The following CCDC146 variants were observed in gnomAD, a reference collection of about 807,000 sequenced individuals.
CCDC146 encodes the protein coiled-coil domain-containing protein 146.
In CCDC146, 92 loss-of-function variants were observed where a neutral mutation model predicts 119.3. The observed-to-expected ratio is 0.77, with a 90% CI of 0.65 to 0.92. The LOEUF (loss-of-function observed/expected upper bound fraction) is 0.92, where lower values mean the gene tolerates loss of function less well. Among genes scored for constraint, CCDC146 ranks in the 40% least tolerant of loss-of-function variants. CCDC146 has a pLI of 0.00. For missense variants in CCDC146, 1,000 were observed against 1,103.0 expected, an observed-to-expected ratio of 0.91 and a Z score of 1.32; for synonymous variants, 372 against 371.8, an observed-to-expected ratio of 1.00 and a Z score of -0.01.
chr7:77,254,320 G>T (rs1484727407), intron 4 of CCDC146, among the ~76,000 whole-genome samples, 186 bp from the exon 5 acceptor site: 1 of 152,184 alleles, frequency 6.6e-6, no homozygotes, highest in Non-Finnish European at 1.5e-5. Context: ...TTGGGTGGGA[G>T]TCCTGGGGAG....
In CCDC146 at chr7:77,150,597, C is replaced by T. The variant is rs374988789; in HGVS notation, c.-11-17061C>T. 3.2e-4 allele frequency among the ~76,000 whole-genome samples: 49 copies of T among 152,206 alleles called. 1 individual carries two copies. The highest frequency in any genetic ancestry group is 8.5e-4 in the Admixed American group (13 of 15,286). On this transcript the variant is annotated intron_variant, in intron 1 of 18. Coordinates refer to ENST00000285871, the MANE Select transcript of CCDC146 (RefSeq NM_020879.3). ...ATGTGGAGCAGCGGGAACCCTGGTA[C>T]GTTATTGGTAGGAATATAAAAAGTA... is the stretch of plus-strand genomic sequence containing the variant.
chr7:77,156,856 G>A (rs1337423899), intron 1 of CCDC146, among the ~76,000 whole-genome samples: 1 of 151,712 alleles, frequency 6.6e-6, no homozygotes, highest in Non-Finnish European at 1.5e-5. Flanking sequence ...CCCATAGGAT[G>A]AGCCTTAAAT....
intron 2 of CCDC146, among the ~76,000 whole-genome samples, chr7:77,181,937 C>T (rs556468922): frequency 2.6e-5 from 4 of 152,126 alleles, no homozygotes; most frequent in Admixed American, 2.6e-4. Context: ...ATATTTTAAC[C>T]TTTGTTCCAT....
intron 2 of CCDC146, chr7:77,199,748 T>C (rs749850723): frequency 7.4e-6 from 12 of 1,614,014 alleles, no homozygotes; most frequent in Non-Finnish European, 1.0e-5. Flanking sequence ...AAACCGTAAG[T>C]GGCAAGAACA....
At position 77,293,199 on chromosome 7, in the gene CCDC146, A is replaced by T; in HGVS notation, c.2663A>T (p.Gln888Leu). Residue 888 changes from glutamine to leucine, a missense_variant and splice_region_variant, in exon 18 of 19, where the codon CAG (glutamine) becomes CTG (leucine). Gln to Leu is a moderately radical substitution (Grantham distance 113). Coordinates refer to ENST00000285871, the MANE Select transcript of CCDC146 (RefSeq NM_020879.3). ...MHALAIAEKS[Q>L]EFLEADNRQL... ...GCCTTGGCCATCGCTGAAAAGTCTCAGGTAGGCTTTGGCTCCTGTATTGCA... is the reference window on the plus strand; with the variant it reads ...GCCTTGGCCATCGCTGAAAAGTCTCTGGTAGGCTTTGGCTCCTGTATTGCA... The T allele has an allele frequency of 6.2e-7, 1 of 1,613,592 alleles. No individual in the cohort carries two copies. The highest frequency in any genetic ancestry group is 1.1e-5 in the South Asian group (1 of 91,048).
chr7:77,125,066 C>T (rs1479240277), intron 1 of CCDC146, among the ~76,000 whole-genome samples: 4 of 151,942 alleles, frequency 2.6e-5, no homozygotes, highest in African/African-American at 4.8e-5. Context: ...TAGTGATGGA[C>T]ACCTGTAATC....
chr7:77,258,961 C>A, intron 6 of CCDC146, 34 bp from the exon 7 acceptor site: 2 of 1,431,890 alleles, frequency 1.4e-6, no homozygotes, highest in Non-Finnish European at 2.0e-6. Context: ...AGCCGAAGAC[C>A]GCATAATTTA....
intron 1 of CCDC146, among the ~76,000 whole-genome samples, chr7:77,149,809 G>C (rs577207116): frequency 1.6e-4 from 24 of 149,588 alleles, no homozygotes; most frequent in Admixed American, 1.5e-3. Context: ...GAGAGAGAGA[G>C]ACTTAGTATA....
chr7:77,151,505 G>A (rs1791108331), intron 1 of CCDC146, among the ~76,000 whole-genome samples: 1 of 152,058 alleles, frequency 6.6e-6, no homozygotes, highest in African/African-American at 2.4e-5. Context: ...CTTTTTAAGA[G>A]TGAGGGAAAC....
chr7:77,260,108 G>A lies in CCDC146; in HGVS notation c.858G>A (p.Glu286=), dbSNP rs1793264605. The part of the protein sequence containing the change: ...VENKVSAIVD[E]KENVIKEVEG... Reference sequence around the variant, plus strand: ...ACAAGGTTAGTGCTATAGTGGATGAGAAGGAAAATGTAATAAAGGAAGTTG... The same window carrying A: ...ACAAGGTTAGTGCTATAGTGGATGAAAAGGAAAATGTAATAAAGGAAGTTG... Residue 286 remains glutamate, a synonymous_variant, in exon 8 of 19, where the codon GAG becomes GAA. Coordinates refer to ENST00000285871, the MANE Select transcript of CCDC146 (RefSeq NM_020879.3). 1.2e-6 allele frequency: 2 copies of A among 1,613,884 alleles called. No individual in the cohort carries two copies. Among genetic ancestry groups the A allele is most frequent in the Admixed American group, 1.7e-5 (1 of 59,980 alleles).
chr7:77,294,874 A>G lies in CCDC146; in HGVS notation c.*8A>G. 1 of 1,611,070 alleles carries G rather than the reference A, an allele frequency of 6.2e-7. No individual in the cohort carries two copies. The highest frequency in any genetic ancestry group is 1.1e-5 in the South Asian group (1 of 90,900). On this transcript the variant is annotated 3_prime_UTR_variant, in exon 19 of 19. Coordinates refer to ENST00000285871, the MANE Select transcript of CCDC146 (RefSeq NM_020879.3). ...AAGCCAGTTGAAATCTGAATATGTG[A>G]ACAAATCCAGGCCTCTCAAGGAAAA... is the stretch of plus-strand genomic sequence containing the variant.
chr7:77,284,857 A>G (rs1262565036), intron 15 of CCDC146, among the ~76,000 whole-genome samples: 1 of 152,004 alleles, frequency 6.6e-6, no homozygotes. Context: ...AGCATCAATC[A>G]TGTGTACCCT....
In CCDC146 at chr7:77,126,633, T is replaced by C. The variant is rs1790692651; in HGVS notation, c.-12+3901T>C. Among the ~76,000 whole-genome samples the C allele has an allele frequency of 3.3e-5, 5 of 152,048 alleles. No homozygotes were observed. In the South Asian group the frequency reaches 1.0e-3, roughly 32 times the overall value. On this transcript the variant is annotated intron_variant, in intron 1 of 18. Transcript: ENST00000285871. ...GAGGCCCTGGAGAGGGTGCCTCCTG[T>C]CTGCTGGCAGGTTGTCTCTGAAGCT...
At chr7:77,251,631 A>T (rs980517776) in intron 4 of CCDC146, among the ~76,000 whole-genome samples, 2 of 152,130 alleles carry the variant, frequency 1.3e-5, no homozygotes, top group Non-Finnish European at 2.9e-5. Context: ...GGAGCATTCT[A>T]CAGTGTTGTG....
intron 9 of CCDC146, among the ~76,000 whole-genome samples, chr7:77,267,086 G>A (rs3108437): frequency 0.78 from 117,569 of 150,866 alleles, 46,603 homozygotes; most frequent in Non-Finnish European, 0.87. Flanking sequence ...CTGTCTCCTC[G>A]GTTCAAGCAA....
chr7:77,242,503 T>A, intron 4 of CCDC146: 1 of 448,458 alleles, frequency 2.2e-6, no homozygotes, highest in Non-Finnish European at 2.9e-6. Context: ...AAGCAGACAT[T>A]AAGTGCTAAA....
chr7:77,292,089 A>G (rs1410576468), intron 17 of CCDC146, among the ~76,000 whole-genome samples: 1 of 152,074 alleles, frequency 6.6e-6, no homozygotes, highest in Non-Finnish European at 1.5e-5. Context: ...TGAGCCCAGG[A>G]GTTCAAAACT....
intron 4 of CCDC146, among the ~76,000 whole-genome samples, chr7:77,243,039 C>T (rs899817875): frequency 6.6e-6 from 1 of 152,134 alleles, no homozygotes; most frequent in African/African-American, 2.4e-5. Context: ...TATTTCTGTG[C>T]TCTGTAAGTG....
At chr7:77,258,343 T>A (rs1418459250) in intron 6 of CCDC146, among the ~76,000 whole-genome samples, 2 of 152,110 alleles carry the variant, frequency 1.3e-5, no homozygotes, top group Non-Finnish European at 2.9e-5. Context: ...CCTGCAGCAT[T>A]TGAGGGATGG....
Sources: allele counts gnomAD v4.1 joint callset (sites outside exome capture counted in the v4.1 genomes callset), GRCh38; gene constraint gnomAD v4.1.1; transcripts MANE v1.5; gene names NCBI Gene and HGNC (gene_info 2026-07-23, HGNC 2026-07-21).